TOX: variants seen among roughly 807,000 people sequenced by gnomAD.
TOX encodes thymocyte selection associated high mobility group box.
Under a neutral mutation model 53.7 loss-of-function variants are expected in TOX, and 11 were observed. That is an observed-to-expected ratio of 0.20 (90% CI 0.13 to 0.34). The LOEUF is 0.34. Among genes scored for constraint, TOX ranks in the 10% least tolerant of loss-of-function variants. The pLI, the probability that TOX is intolerant of heterozygous loss-of-function variation, is 1.00. For missense variants in TOX, 570 were observed against 664.6 expected, an observed-to-expected ratio of 0.86 and a Z score of 1.56; for synonymous variants, 225 against 245.3, an observed-to-expected ratio of 0.92 and a Z score of 0.77.
intron 1 of TOX, among the ~76,000 whole-genome samples, chr8:59,110,729 A>T (rs201347881): frequency 6.6e-6 from 1 of 151,732 alleles, no homozygotes; most frequent in Non-Finnish European, 1.5e-5. Context: ...AGGGAAAAAG[A>T]GGCCCCCCGG....
At chr8:59,031,504 C>T (rs1276639173) in intron 1 of TOX, among the ~76,000 whole-genome samples, 1 of 152,198 alleles carries the variant, frequency 6.6e-6, no homozygotes, top group African/African-American at 2.4e-5. Context: ...AAAGATGGGG[C>T]ATGTATATCC....
At chr8:58,819,286 T>G (rs1330412762) in intron 6 of TOX, among the ~76,000 whole-genome samples, 1 of 152,258 alleles carries the variant, frequency 6.6e-6, no homozygotes, top group African/African-American at 2.4e-5. Flanking sequence ...AATTTGCATT[T>G]GTTTCCACTT....
At chr8:58,828,486 GT>G (rs35800256) in intron 5 of TOX, among the ~76,000 whole-genome samples, 79 of 145,534 alleles carry the variant, frequency 5.4e-4, no homozygotes, top group Non-Finnish European at 5.6e-4. Context: ...ATATTTCAGA[GT>G]TTTTTTTTTT....
intron 1 of TOX, among the ~76,000 whole-genome samples, chr8:59,044,741 G>T (rs367577239): frequency 6.6e-6 from 1 of 152,014 alleles, no homozygotes; most frequent in South Asian, 2.1e-4. Flanking sequence ...TCACACCTGC[G>T]TAAAGACTGG....
chr8:59,092,280 T>TATATAC (rs1804627052), intron 1 of TOX, among the ~76,000 whole-genome samples: 4 of 117,076 alleles, frequency 3.4e-5, no homozygotes, highest in Non-Finnish European at 5.0e-5. Flanking sequence ...TATATATATA[T>TATATAC]ATTATATATA....
At chr8:58,864,805 A>AT (rs1811069181) in intron 3 of TOX, among the ~76,000 whole-genome samples, 1 of 152,194 alleles carries the variant, frequency 6.6e-6, no homozygotes, top group Non-Finnish European at 1.5e-5. Context: ...TCATGGCTTA[A>AT]TTATGTGAAA....
intron 1 of TOX, among the ~76,000 whole-genome samples, chr8:59,090,708 C>G (rs1308678062): frequency 6.6e-6 from 1 of 152,132 alleles, no homozygotes; most frequent in Non-Finnish European, 1.5e-5. Context: ...CCTCATCTCA[C>G]AGCAACTGTT....
At chr8:58,994,522 C>T (rs1329073697) in intron 1 of TOX, among the ~76,000 whole-genome samples, 1 of 151,738 alleles carries the variant, frequency 6.6e-6, no homozygotes, top group Non-Finnish European at 1.5e-5. Context: ...TTCTACTGTC[C>T]AGAATGCTAA....
At chr8:59,102,062 C>A (rs374051792) in intron 1 of TOX, among the ~76,000 whole-genome samples, 1 of 152,080 alleles carries the variant, frequency 6.6e-6, no homozygotes, top group Non-Finnish European at 1.5e-5. Flanking sequence ...AAAGACACAC[C>A]CAAGACTGAG....
At chr8:58,814,369 G>A (rs767083002) in intron 7 of TOX, 2 of 152,002 alleles carry the variant, frequency 1.3e-5, no homozygotes, top group Non-Finnish European at 2.9e-5. Context: ...AATGTGATTT[G>A]TAGTTTTTAC....
intron 3 of TOX, among the ~76,000 whole-genome samples, chr8:58,892,052 ACT>A (rs1421453299): frequency 2.0e-5 from 3 of 152,088 alleles, no homozygotes; most frequent in African/African-American, 7.2e-5. Context: ...GGAAAAAAAA[ACT>A]CTGCCATTCC....
intron 1 of TOX, among the ~76,000 whole-genome samples, chr8:59,086,111 A>T (rs1161478656): frequency 6.7e-6 from 1 of 149,490 alleles, no homozygotes; most frequent in African/African-American, 2.5e-5. Context: ...TCAGCCTCCC[A>T]AGTAGCTGGG....
chr8:59,076,768 G>A (rs1251756595), intron 1 of TOX, among the ~76,000 whole-genome samples: 4 of 151,954 alleles, frequency 2.6e-5, no homozygotes, highest in Non-Finnish European at 5.9e-5. Context: ...GGGATCATAG[G>A]GCAAACCTTT....
intron 1 of TOX, among the ~76,000 whole-genome samples, chr8:59,092,264 T>TATATATATATACA (rs1174716509): frequency 1.3e-4 from 7 of 51,888 alleles, no homozygotes; most frequent in African/African-American, 5.7e-4. Flanking sequence ...ATATATATAT[T>TATATATATATACA]TTATATATAT....
At chr8:58,885,450 A>T (rs914909414) in intron 3 of TOX, among the ~76,000 whole-genome samples, 30 of 152,066 alleles carry the variant, frequency 2.0e-4, no homozygotes, top group African/African-American at 6.3e-4. Context: ...ACCTCTTGCT[A>T]TGTGTCACCT....
At chr8:58,998,812 A>C (rs1299632178) in intron 1 of TOX, among the ~76,000 whole-genome samples, 1 of 151,836 alleles carries the variant, frequency 6.6e-6, no homozygotes, top group African/African-American at 2.4e-5. Flanking sequence ...TTTGAGTATG[A>C]AAGTCCAAAG....
intron 5 of TOX, among the ~76,000 whole-genome samples, chr8:58,827,656 G>A (rs1270096580): frequency 5.3e-5 from 8 of 152,184 alleles, no homozygotes; most frequent in Admixed American, 4.6e-4. Context: ...TTCCATTTCT[G>A]AGAGGGAATC....
In TOX at chr8:58,959,832, T is replaced by G. The variant is rs1585925271; in HGVS notation, c.168+111A>C. 8.8e-6 allele frequency: 10 copies of G among 1,134,488 alleles called. No individual in the cohort carries two copies. The East Asian group carries it at 2.5e-4, about 28-fold the overall frequency. 70.3% of individuals were successfully genotyped at this position (1,134,488 alleles called of 1,614,324 possible). On this transcript the variant is annotated intron_variant, in intron 2 of 8. Transcript: ENST00000361421. Reference sequence around the variant, plus strand: ...GCTTAAATGCTTTGTTTATAAATTATGATTATTCCTGATTGCGGCAGTTAC... The same window carrying G: ...GCTTAAATGCTTTGTTTATAAATTAGGATTATTCCTGATTGCGGCAGTTAC...
chr8:58,894,373 A>C (rs1264450650), intron 3 of TOX, among the ~76,000 whole-genome samples: 1 of 152,252 alleles, frequency 6.6e-6, no homozygotes, highest in African/African-American at 2.4e-5. Flanking sequence ...ATTAATTGCC[A>C]TCTATGGTTA....
Sources: gnomAD v4.1 joint callset for allele counts (sites outside exome capture counted in the v4.1 genomes callset) on GRCh38, gnomAD v4.1.1 for gene constraint, MANE v1.5 for transcripts, NCBI Gene and HGNC (gene_info 2026-07-23, HGNC 2026-07-21) for gene names.